Variants in HPSE2 observed in about 807,000 individuals in gnomAD.
HPSE2 encodes the protein inactive heparanase-2.
Under a neutral mutation model 60.5 loss-of-function variants are expected in HPSE2, and 38 were observed. The observed-to-expected ratio is 0.63, with a 90% CI of 0.48 to 0.82. The LOEUF is 0.82. Ranked by LOEUF, HPSE2 falls within the 40% of genes least tolerant of loss-of-function variation. HPSE2 has a pLI of 0.00. For missense variants in HPSE2, 713 were observed against 740.4 expected (o/e 0.96, Z 0.43); for synonymous variants, 295 against 293.2 (o/e 1.01, Z -0.06).
chr10:98,579,713 T>C (rs1213110266), intron 9 of HPSE2, among the ~76,000 whole-genome samples: 1 of 152,194 alleles, frequency 6.6e-6, no homozygotes, highest in African/African-American at 2.4e-5. Flanking sequence ...AAACCACCTA[T>C]CAGCTTTTAG....
chr10:99,287,257 CA>C, the HPSE2 span, among the ~76,000 whole-genome samples: 14 of 151,992 alleles, frequency 9.2e-5, no homozygotes, highest in African/African-American at 3.1e-4. Flanking sequence ...AGGAGAGAAG[CA>C]GCAGGAATAA....
the HPSE2 span, among the ~76,000 whole-genome samples, chr10:99,241,166 C>G: frequency 6.6e-6 from 1 of 152,212 alleles, no homozygotes; most frequent in East Asian, 1.9e-4. Context: ...CAAGGGCCAT[C>G]TGACTCTAAA....
At chr10:98,460,407 G>A (rs1019942288) in intron 11 of HPSE2, among the ~76,000 whole-genome samples, 6 of 151,992 alleles carry the variant, frequency 3.9e-5, no homozygotes, top group Non-Finnish European at 8.8e-5. Flanking sequence ...AGGGAGGATC[G>A]CTTGAGTCCA....
At chr10:98,871,544 C>T (rs1952732629) in intron 3 of HPSE2, among the ~76,000 whole-genome samples, 1 of 151,800 alleles carries the variant, frequency 6.6e-6, no homozygotes, top group African/African-American at 2.4e-5. Flanking sequence ...GGCAAATATA[C>T]AAAATTAAGC....
rs1358790416 is a variant in HPSE2, at chr10:98,701,384, G to A, written c.957-7437C>T. ...AAATCATCATTCTCAGTAAACTATCGCAAGAACAAAAAACCAAACACCAAA... is the reference window on the plus strand; with the variant it reads ...AAATCATCATTCTCAGTAAACTATCACAAGAACAAAAAACCAAACACCAAA... On this transcript the variant is annotated intron_variant, in intron 5 of 11. Coordinates refer to ENST00000370552, the MANE Select transcript of HPSE2 (RefSeq NM_021828.5). 4.7e-5 allele frequency among the ~76,000 whole-genome samples: 7 copies of A among 149,270 alleles called. No homozygotes were observed. The Middle Eastern group carries it at 0.01, about 218-fold the overall frequency.
chr10:98,938,646 G>T (rs1306425896), intron 3 of HPSE2, among the ~76,000 whole-genome samples: 2 of 144,130 alleles, frequency 1.4e-5, no homozygotes, highest in East Asian at 3.9e-4. Context: ...ATGCAACCAA[G>T]TTGGAAAACC....
the HPSE2 span, among the ~76,000 whole-genome samples, chr10:99,285,929 T>TTA: frequency 1.3e-5 from 2 of 151,854 alleles, no homozygotes; most frequent in African/African-American, 2.4e-5. Context: ...TGTCTCAAAA[T>TTA]TATATATATA....
chr10:98,896,275 T>C (rs768668582), intron 3 of HPSE2, among the ~76,000 whole-genome samples: 1 of 152,052 alleles, frequency 6.6e-6, no homozygotes, highest in Non-Finnish European at 1.5e-5. Context: ...GGTAAAAGAT[T>C]GGCTAATTAT....
chr10:99,287,743 A>G, the HPSE2 span, among the ~76,000 whole-genome samples: 1 of 152,202 alleles, frequency 6.6e-6, no homozygotes. Flanking sequence ...AATAGCATTC[A>G]TATCTCAATG....
chr10:98,463,082 A>C (rs1490737290), intron 11 of HPSE2, among the ~76,000 whole-genome samples: 1 of 152,020 alleles, frequency 6.6e-6, no homozygotes, highest in African/African-American at 2.4e-5. Flanking sequence ...AGTCAAAATA[A>C]TTCGACCTTA....
intron 3 of HPSE2, among the ~76,000 whole-genome samples, chr10:99,080,665 G>A (rs1843103265): frequency 1.3e-5 from 2 of 152,188 alleles, no homozygotes. Context: ...TGAGATTTAA[G>A]ACAATACTCA....
chr10:99,075,726 T>A (rs945543619), intron 3 of HPSE2, among the ~76,000 whole-genome samples: 3 of 152,146 alleles, frequency 2.0e-5, no homozygotes, highest in African/African-American at 7.2e-5. Context: ...TGCATATATA[T>A]TTATAATTCT....
At chr10:98,917,565 C>T (rs1487947866) in intron 3 of HPSE2, among the ~76,000 whole-genome samples, 1 of 152,206 alleles carries the variant, frequency 6.6e-6, no homozygotes, top group Non-Finnish European at 1.5e-5. Flanking sequence ...CAATTCTTCA[C>T]CTTTAAAAGG....
At chr10:98,591,711 T>C (rs1022517056) in intron 9 of HPSE2, among the ~76,000 whole-genome samples, 10 of 152,164 alleles carry the variant, frequency 6.6e-5, no homozygotes, top group Admixed American at 2.6e-4. Flanking sequence ...TCCTGCCTTG[T>C]AAAAAGAAAT....
chr10:98,994,709 C>T (rs553093304), intron 3 of HPSE2, among the ~76,000 whole-genome samples: 42 of 152,232 alleles, frequency 2.8e-4, no homozygotes, highest in Admixed American at 4.6e-4. Context: ...GGACCAGAGA[C>T]GGTGGGTTCC....
Position 98,457,679 on chromosome 10 carries a change from CTTCT to C in HPSE2, c.*1891_*1894del, listed in dbSNP as rs1377476673. On this transcript the variant is annotated 3_prime_UTR_variant, in exon 12 of 12. Coordinates refer to ENST00000370552, the MANE Select transcript of HPSE2 (RefSeq NM_021828.5). ...CTCACTTTGGCCTGTCAATCTGTTT[CTTCT>C]TTCTCTTATTTCCTACCCCCCGCCC... 3 of 152,376 alleles carry C rather than the reference CTTCT, an allele frequency of 2.0e-5. No individual in the cohort carries two copies. The highest frequency in any genetic ancestry group is 7.2e-5 in the African/African-American group (3 of 41,410). The allele number at this position is 152,376 out of a possible 1,614,324, so 9.4% of individuals were successfully genotyped here.
intron 3 of HPSE2, among the ~76,000 whole-genome samples, chr10:99,028,319 C>A (rs1258566069): frequency 6.6e-6 from 1 of 151,786 alleles, no homozygotes; most frequent in African/African-American, 2.4e-5. Flanking sequence ...AATCAACATA[C>A]AAAAATGAGT....
chr10:98,680,812 G>C (rs1472361176), intron 6 of HPSE2, among the ~76,000 whole-genome samples: 1 of 152,108 alleles, frequency 6.6e-6, no homozygotes, highest in African/African-American at 2.4e-5. Context: ...TTGGAGATCA[G>C]AGGCATGATC....
At chr10:98,558,925 T>C (rs1221481429) in intron 9 of HPSE2, among the ~76,000 whole-genome samples, 1 of 152,198 alleles carries the variant, frequency 6.6e-6, no homozygotes, top group Non-Finnish European at 1.5e-5. Context: ...ACCCTTGAGA[T>C]AGGGTATACA....
Sources: allele counts gnomAD v4.1 joint callset (sites outside exome capture counted in the v4.1 genomes callset), GRCh38; gene constraint gnomAD v4.1.1; transcripts MANE v1.5; gene names NCBI Gene and HGNC (gene_info 2026-07-23, HGNC 2026-07-21).